The following XPO4 variants were observed in gnomAD, a reference collection of about 807,000 sequenced individuals.
XPO4 encodes the protein exportin 4.
Under a neutral mutation model 143.0 loss-of-function variants are expected in XPO4, and 39 were observed. The observed-to-expected ratio is 0.27, with a 90% CI of 0.21 to 0.36. The LOEUF (loss-of-function observed/expected upper bound fraction) is 0.36. Among genes scored for constraint, XPO4 ranks in the 10% least tolerant of loss-of-function variants. XPO4 has a pLI of 1.00. For missense variants in XPO4, 907 were observed against 1,348.0 expected (o/e 0.67, Z 5.12); for synonymous variants, 439 against 474.0 (o/e 0.93, Z 0.96).
At chr13:20,864,457 A>C (rs1404914681) in intron 2 of XPO4, among the ~76,000 whole-genome samples, 1 of 152,190 alleles carries the variant, frequency 6.6e-6, no homozygotes, top group African/African-American at 2.4e-5. Context: ...AAGGTACTCT[A>C]AGAATTTTAG....
At chr13:20,848,476 A>C in intron 4 of XPO4, 1 of 985,442 alleles carries the variant, frequency 1.0e-6, no homozygotes, top group Non-Finnish European at 1.2e-6. Flanking sequence ...ATAATGCTTA[A>C]AAATACCATG....
intron 7 of XPO4, among the ~76,000 whole-genome samples, chr13:20,826,169 T>A (rs894000744): frequency 2.0e-5 from 3 of 152,144 alleles, no homozygotes; most frequent in African/African-American, 7.2e-5. Context: ...ATATGAATTG[T>A]TTTTCCAGCT....
intron 1 of XPO4, among the ~76,000 whole-genome samples, chr13:20,885,252 G>A (rs543452159): frequency 6.6e-6 from 1 of 152,190 alleles, no homozygotes; most frequent in Admixed American, 6.5e-5. Flanking sequence ...GCCCAGCCAG[G>A]AGAGAGGTAT....
intron 4 of XPO4, chr13:20,849,500 T>C: frequency 2.0e-6 from 2 of 985,396 alleles, no homozygotes; most frequent in East Asian, 2.3e-4. Context: ...ATTTTGCTAC[T>C]TTCCTAGGAA....
At position 20,787,028 on chromosome 13, in the gene XPO4, C is replaced by A. The variant is rs2059215711; in HGVS notation, c.3195G>T (p.Lys1065Asn). Reference sequence around the variant, plus strand: ...CCGCAGTGGTCATCTCTGTGTTGTGCTTTTGCAAAACCAGCATATCAAAAA... The same window carrying A: ...CCGCAGTGGTCATCTCTGTGTTGTGATTTTGCAAAACCAGCATATCAAAAA... ...KLVFDMLVLQ[K>N]HNTEMTTAAG... The change falls in exon 22 of 23, where the codon AAG becomes AAT. Residue 1065 changes from lysine to asparagine, a missense_variant. Coordinates refer to ENST00000255305, the MANE Select transcript of XPO4 (RefSeq NM_022459.5). 1.9e-6 allele frequency: 3 copies of A among 1,566,624 alleles called. No homozygotes were observed. Among genetic ancestry groups the A allele is most frequent in the Non-Finnish European group, 2.6e-6 (3 of 1,152,840 alleles).
chr13:20,821,828 T>C lies in XPO4; in HGVS notation c.1049A>G (p.Asn350Ser), dbSNP rs1403167358. ...EAVGISSIIS[N>S]LITVFPRNVL... is the part of the protein sequence containing the mutation. ...ATTTCGTGGGAACACGGTTATCAGG[T>C]TGCTGATAATGCTGGAGATCCCCAC... The change falls in exon 9 of 23, where the codon AAC becomes AGC. Residue 350 changes from asparagine to serine, a missense_variant. Coordinates refer to ENST00000255305, the MANE Select transcript of XPO4 (RefSeq NM_022459.5). The C allele has an allele frequency of 1.2e-6, 2 of 1,614,020 alleles. No individual in the cohort carries two copies. The highest frequency in any genetic ancestry group is 1.6e-4 in the Middle Eastern group (1 of 6,062).
At chr13:20,871,407 A>T (rs2060297135) in intron 1 of XPO4, among the ~76,000 whole-genome samples, 1 of 151,682 alleles carries the variant, frequency 6.6e-6, no homozygotes, top group South Asian at 2.1e-4. Context: ...GTAACCTCAA[A>T]CTCTTGGGCT....
At chr13:20,891,122 T>TAAAAAAAA (rs57528913) in intron 1 of XPO4, among the ~76,000 whole-genome samples, 2 of 86,006 alleles carry the variant, frequency 2.3e-5, no homozygotes, top group Admixed American at 1.5e-4. Flanking sequence ...CATCTCAATT[T>TAAAAAAAA]AAAAAAAAAA....
chr13:20,864,898 A>G (rs2060231781), intron 2 of XPO4, among the ~76,000 whole-genome samples: 1 of 152,014 alleles, frequency 6.6e-6, no homozygotes, highest in Admixed American at 6.6e-5. Flanking sequence ...CCAAATTCCT[A>G]ATTTAAAAGA....
At chr13:20,881,708 A>T (rs2060411988) in intron 1 of XPO4, among the ~76,000 whole-genome samples, 2 of 152,210 alleles carry the variant, frequency 1.3e-5, no homozygotes. Context: ...TATCATCATC[A>T]AACTGGACAC....
At chr13:20,887,548 A>G (rs578040846) in intron 1 of XPO4, among the ~76,000 whole-genome samples, 1 of 152,320 alleles carries the variant, frequency 6.6e-6, no homozygotes, top group Admixed American at 6.5e-5. Flanking sequence ...AATGCAAAAC[A>G]GAGTTAAGAT....
At chr13:20,788,677 A>G (rs1051308064) in intron 19 of XPO4, 61 bp from the exon 20 acceptor site, 3 of 1,420,814 alleles carry the variant, frequency 2.1e-6, no homozygotes, top group Non-Finnish European at 1.9e-6. Flanking sequence ...ATTTTCATCA[A>G]TGCAATAAAA....
chr13:20,821,526 T>A (rs1260250453), intron 9 of XPO4, among the ~76,000 whole-genome samples, 178 bp downstream of exon 9: 3 of 152,256 alleles, frequency 2.0e-5, no homozygotes, highest in Non-Finnish European at 4.4e-5. Flanking sequence ...AAAGCTATTT[T>A]AATCCACAAA....
chr13:20,822,159 A>C lies in XPO4; in HGVS notation c.971T>G (p.Ile324Ser). The C allele has an allele frequency of 6.2e-7, 1 of 1,613,494 alleles. No homozygotes were observed. Among genetic ancestry groups the C allele is most frequent in the Non-Finnish European group, 8.5e-7 (1 of 1,179,682 alleles). The change falls in exon 8 of 23, where the codon ATT (isoleucine) becomes AGT (serine). Residue 324 changes from isoleucine (I) to serine (S), a missense_variant. By Grantham distance (142) the Ile-to-Ser change is moderately radical. Coordinates refer to ENST00000255305, the MANE Select transcript of XPO4 (RefSeq NM_022459.5). ...ATTGATAGTATTCAGTAATCCCTCA[A>C]TGAAGTGTGCTAGATAATCAACTTG... ...GSQVDYLAHF[I>S]EGLLNTINGI...
intron 22 of XPO4, among the ~76,000 whole-genome samples, chr13:20,784,895 T>G (rs1325150956): frequency 6.6e-6 from 1 of 151,966 alleles, no homozygotes; most frequent in Non-Finnish European, 1.5e-5. Flanking sequence ...TGAGCCATGG[T>G]TGCTCCACTG....
At chr13:20,861,785 T>C (rs1472627190) in intron 3 of XPO4, among the ~76,000 whole-genome samples, 2 of 131,634 alleles carry the variant, frequency 1.5e-5, no homozygotes, top group African/African-American at 5.8e-5. Flanking sequence ...CTCTTTTTTT[T>C]TTTTTTTTTT....
At chr13:20,797,235 G>A (rs568147125) in intron 16 of XPO4, among the ~76,000 whole-genome samples, 178 bp from the exon 17 acceptor site, 1 of 152,030 alleles carries the variant, frequency 6.6e-6, no homozygotes, top group East Asian at 1.9e-4. Context: ...CTAACTTTCC[G>A]CTCATGTAAA....
At position 20,821,628 on chromosome 13, in the gene XPO4, T is replaced by C. The variant is rs1463487084; in HGVS notation, c.1173+76A>G. The C allele has an allele frequency of 2.3e-5, 33 of 1,454,848 alleles. 1 individual carries two copies. The highest frequency in any genetic ancestry group is 2.5e-5 in the Non-Finnish European group (27 of 1,083,492). 90.1% of individuals were successfully genotyped at this position (1,454,848 alleles called of 1,614,324 possible). A position where few individuals can be genotyped will look rare whatever the true frequency, so the allele number is the denominator to read the frequency against. ...AGCACTCACTTAAAATAATTACTTG[T>C]CATGAGAAATGTTCCAAAGGCACCG... On this transcript the variant is annotated intron_variant, in intron 9 of 22. Coordinates refer to ENST00000255305, the MANE Select transcript of XPO4 (RefSeq NM_022459.5).
chr13:20,862,038 T>G (rs981727863), intron 3 of XPO4, among the ~76,000 whole-genome samples: 1 of 151,890 alleles, frequency 6.6e-6, no homozygotes, highest in African/African-American at 2.4e-5. Context: ...CTGCCTGGCT[T>G]GGCCTCCCAA....
Sources: allele counts gnomAD v4.1 joint callset (sites outside exome capture counted in the v4.1 genomes callset), GRCh38; gene constraint gnomAD v4.1.1; transcripts MANE v1.5; gene names NCBI Gene and HGNC (gene_info 2026-07-23, HGNC 2026-07-21).